Variants in SGCZ observed in about 807,000 individuals in gnomAD.
SGCZ encodes the protein zeta-sarcoglycan.
Under a neutral mutation model 41.3 loss-of-function variants are expected in SGCZ, and 40 were observed. The ratio of observed to expected loss-of-function variants is 0.97; its 90% CI spans 0.75 to 1.26. SGCZ has a LOEUF of 1.26. Ranked by LOEUF, SGCZ falls within the 50% of genes most tolerant of loss-of-function variation. The pLI is 0.00. For missense variants in SGCZ, 552 were observed against 369.8 expected (o/e 1.49, Z -4.04); for synonymous variants, 206 against 137.5 (o/e 1.50, Z -3.49).
intron 1 of SGCZ, among the ~76,000 whole-genome samples, chr8:14,978,266 A>C (rs1801546292): frequency 6.6e-6 from 1 of 151,584 alleles, no homozygotes. Context: ...TCAGGAGTTC[A>C]AGACCAGCCT....
At chr8:14,272,299 C>T (rs540633152) in intron 3 of SGCZ, among the ~76,000 whole-genome samples, 20 of 152,212 alleles carry the variant, frequency 1.3e-4, no homozygotes, top group African/African-American at 4.8e-4. Context: ...CCACTGCACC[C>T]GACCCTTAAA....
chr8:14,966,561 G>C (rs553407545), intron 1 of SGCZ, among the ~76,000 whole-genome samples: 1 of 152,012 alleles, frequency 6.6e-6, no homozygotes, highest in Non-Finnish European at 1.5e-5. Context: ...AAGAATAAAA[G>C]TATTTAAGAG....
chr8:14,332,916 T>C (rs1467874236), intron 2 of SGCZ, among the ~76,000 whole-genome samples: 2 of 138,370 alleles, frequency 1.4e-5, no homozygotes, highest in East Asian at 4.2e-4. Context: ...TATACACACA[T>C]ATATATACAT....
chr8:14,413,128 T>G (rs1799405708), intron 2 of SGCZ, among the ~76,000 whole-genome samples: 1 of 152,004 alleles, frequency 6.6e-6, no homozygotes, highest in Non-Finnish European at 1.5e-5. Flanking sequence ...AAACTTCTTA[T>G]CAATATCTTT....
chr8:14,908,566 AT>A (rs1273255705), intron 1 of SGCZ, among the ~76,000 whole-genome samples: 1 of 152,076 alleles, frequency 6.6e-6, no homozygotes, highest in Non-Finnish European at 1.5e-5. Context: ...CCTGACCAAC[AT>A]GGTGAAACCC....
chr8:14,702,965 A>G (rs1169982955), intron 1 of SGCZ, among the ~76,000 whole-genome samples: 1 of 138,188 alleles, frequency 7.2e-6, no homozygotes, highest in South Asian at 2.6e-4. Flanking sequence ...AGATAGATAG[A>G]TAGATAGACA....
chr8:14,507,782 T>G (rs1802349860), intron 2 of SGCZ, among the ~76,000 whole-genome samples: 1 of 151,536 alleles, frequency 6.6e-6, no homozygotes, highest in African/African-American at 2.4e-5. Flanking sequence ...TTGTTTTTTT[T>G]TTTTTCGAGA....
intron 1 of SGCZ, among the ~76,000 whole-genome samples, chr8:15,006,814 G>C (rs780486007): frequency 2.6e-5 from 4 of 152,138 alleles, no homozygotes; most frequent in Non-Finnish European, 5.9e-5. Context: ...CATTCGACAA[G>C]ATTATTAATA....
chr8:14,368,919 A>T (rs1803812816), intron 2 of SGCZ, among the ~76,000 whole-genome samples: 1 of 151,948 alleles, frequency 6.6e-6, no homozygotes, highest in Admixed American at 6.6e-5. Flanking sequence ...GTACATTACA[A>T]TGGGCTTTTA....
At chr8:14,766,758 G>C (rs1431334262) in intron 1 of SGCZ, among the ~76,000 whole-genome samples, 1 of 92,066 alleles carries the variant, frequency 1.1e-5, no homozygotes. Context: ...TTGTATTTTT[G>C]GGAGAGATGG....
chr8:14,776,417 T>C (rs984280955), intron 1 of SGCZ, among the ~76,000 whole-genome samples: 1 of 152,170 alleles, frequency 6.6e-6, no homozygotes, highest in Non-Finnish European at 1.5e-5. Context: ...GCCTTCACCG[T>C]GACTGAGTCC....
At chr8:15,101,078 C>T (rs575175609) in intron 1 of SGCZ, among the ~76,000 whole-genome samples, 1 of 152,026 alleles carries the variant, frequency 6.6e-6, no homozygotes, top group Non-Finnish European at 1.5e-5. Context: ...TCTAGACATA[C>T]GACTTATACT....
chr8:14,717,160 C>A (rs987671203), intron 1 of SGCZ, among the ~76,000 whole-genome samples: 1 of 151,900 alleles, frequency 6.6e-6, no homozygotes, highest in South Asian at 2.1e-4. Flanking sequence ...TATTTTGTAT[C>A]ATTTAGAAAA....
intron 1 of SGCZ, among the ~76,000 whole-genome samples, chr8:14,773,934 T>G (rs563518598): frequency 2.0e-5 from 3 of 152,348 alleles, no homozygotes; most frequent in East Asian, 3.9e-4. Flanking sequence ...AATTATTTTT[T>G]ATCTGGTCAT....
chr8:15,028,572 A>G (rs1220758090), intron 1 of SGCZ, among the ~76,000 whole-genome samples: 2 of 152,088 alleles, frequency 1.3e-5, no homozygotes, highest in Admixed American at 6.6e-5. Context: ...AGTCAGTTTC[A>G]TAAGGAACAC....
At chr8:14,284,559 C>G (rs1178235460) in intron 3 of SGCZ, among the ~76,000 whole-genome samples, 2 of 152,174 alleles carry the variant, frequency 1.3e-5, no homozygotes, top group Non-Finnish European at 2.9e-5. Context: ...TTTATTCATA[C>G]AGATAATCTT....
chr8:14,701,565 G>A (rs1809137861), intron 1 of SGCZ, among the ~76,000 whole-genome samples: 1 of 151,920 alleles, frequency 6.6e-6, no homozygotes, highest in African/African-American at 2.4e-5. Context: ...GGCCGTCCGT[G>A]CTGCCTGGTA....
chr8:14,658,503 C>A (rs980728468), intron 1 of SGCZ, among the ~76,000 whole-genome samples: 6 of 152,018 alleles, frequency 3.9e-5, no homozygotes, highest in Non-Finnish European at 7.4e-5. Context: ...AGCCTCCAAG[C>A]CTTTGCAGTA....
intron 1 of SGCZ, among the ~76,000 whole-genome samples, chr8:14,642,504 G>A (rs1033424207): frequency 6.6e-5 from 10 of 150,964 alleles, no homozygotes; most frequent in African/African-American, 2.4e-4. Flanking sequence ...AATATGTAAG[G>A]TATCGACCTT....
Sources: allele counts gnomAD v4.1 joint callset (sites outside exome capture counted in the v4.1 genomes callset), GRCh38; gene constraint gnomAD v4.1.1; transcripts MANE v1.5; gene names NCBI Gene and HGNC (gene_info 2026-07-23, HGNC 2026-07-21).